The following NAV2 variants were observed in gnomAD, a reference collection of about 807,000 sequenced individuals.
The protein encoded by NAV2 is helicase, APC down-regulated 1.
A neutral mutation model predicts 223.2 loss-of-function variants in NAV2; 54 were observed. The observed-to-expected ratio is 0.24, with a 90% CI of 0.19 to 0.30. NAV2 has a LOEUF of 0.30. Ranked by LOEUF, NAV2 falls within the 10% of genes least tolerant of loss-of-function variation. NAV2 has a pLI of 1.00. For synonymous variants in NAV2, 1,279 were observed against 1,239.3 expected (o/e 1.03, Z -0.67); for missense variants, 2,806 against 3,147.5 (o/e 0.89, Z 2.60).
chr11:20,085,605 C>T lies in NAV2; in HGVS notation c.5498+2426C>T, dbSNP rs192971592. ...GGGTAACATTAGCTGCTGTAACAAA[C>T]TCAGCCCAACGCTCAGCAGCTTTAC... On this transcript the variant is annotated intron_variant, in intron 26 of 37. Transcript: ENST00000349880. Among the ~76,000 whole-genome samples the T allele has an allele frequency of 3.3e-5, 5 of 152,346 alleles. No homozygotes were observed. The East Asian group carries it at 9.7e-4, about 29-fold the overall frequency.
chr11:19,867,823 C>T (rs1282452772), intron 3 of NAV2, among the ~76,000 whole-genome samples: 1 of 152,122 alleles, frequency 6.6e-6, no homozygotes, highest in Non-Finnish European at 1.5e-5. Context: ...CATAAAATGC[C>T]AAATGTCAAT....
rs999613095 is a variant in NAV2 at position 20,118,387 on chromosome 11, C to A, written c.*129C>A. The stretch of plus-strand genomic sequence containing the variant: ...CCTTAGAGCTGCGGGAACACCGAGA[C>A]CCCCCGTCCTTCAGCCTCGACCTGG... On this transcript the variant is annotated 3_prime_UTR_variant, in exon 38 of 38. Transcript: ENST00000349880. 5 of 1,121,380 alleles carry A rather than the reference C, an allele frequency of 4.5e-6. No homozygotes were observed. Among genetic ancestry groups the A allele is most frequent in the South Asian group, 4.4e-5 (3 of 68,170 alleles). 69.5% of individuals were successfully genotyped at this position (1,121,380 alleles called of 1,614,324 possible). A position where few individuals can be genotyped will look rare whatever the true frequency, so the allele number is the denominator to read the frequency against.
intron 16 of NAV2, among the ~76,000 whole-genome samples, chr11:20,050,839 T>C (rs2057929292): frequency 6.6e-6 from 1 of 152,158 alleles, no homozygotes. Context: ...ACAAGTCTGT[T>C]CTCCCATTTG....
chr11:19,595,007 G>C (rs2046168123), intron 1 of NAV2, among the ~76,000 whole-genome samples: 1 of 152,152 alleles, frequency 6.6e-6, no homozygotes, highest in African/African-American at 2.4e-5. Flanking sequence ...AAGGACTTAG[G>C]TGCAAGTTTA....
In NAV2 at chr11:20,049,098, A is replaced by C; in HGVS notation, c.4273A>C (p.Ser1425Arg). 2 of 1,614,088 alleles carry C rather than the reference A, an allele frequency of 1.2e-6. No individual in the cohort carries two copies. The highest frequency in any genetic ancestry group is 1.7e-6 in the Non-Finnish European group (2 of 1,180,010). Residue 1425 changes from serine (S) to arginine (R), a missense_variant, in exon 15 of 38, where the codon AGC (serine) becomes CGC (arginine). Ser to Arg is a moderately radical substitution (Grantham distance 110). Transcript: ENST00000349880. Reference protein sequence around the residue: ...DISLSSGGVPSHNSSTGLIAS... With the variant: ...DISLSSGGVPRHNSSTGLIAS... ...CTCCCTCAGCAGTGGAGGGGTCCCCAGCCACAATTCTTCCACTGGCCTCAT... is the reference window on the plus strand; with the variant it reads ...CTCCCTCAGCAGTGGAGGGGTCCCCCGCCACAATTCTTCCACTGGCCTCAT...
At chr11:20,053,962 TAA>T in intron 17 of NAV2, 116 bp from the exon 18 acceptor site, 1 of 1,114,568 alleles carries the variant, frequency 9.0e-7, no homozygotes, top group Non-Finnish European at 1.3e-6. Flanking sequence ...GATCTGATTT[TAA>T]AAAAAATCAT....
At chr11:19,699,923 C>CTT (rs2049460992) in intron 1 of NAV2, among the ~76,000 whole-genome samples, 3 of 152,182 alleles carry the variant, frequency 2.0e-5, no homozygotes, top group Admixed American at 6.5e-5. Flanking sequence ...ATACAGATCC[C>CTT]TTACCCAAGA....
At chr11:19,894,891 C>T (rs1475988578) in intron 6 of NAV2, among the ~76,000 whole-genome samples, 1 of 151,922 alleles carries the variant, frequency 6.6e-6, no homozygotes, top group Non-Finnish European at 1.5e-5. Flanking sequence ...CCACCACGCC[C>T]GGCTAATTTT....
At position 19,735,815 on chromosome 11, in the gene NAV2, C is replaced by CT. The variant is rs201415557; in HGVS notation, c.267+21862dup. 1.5e-4 allele frequency among the ~76,000 whole-genome samples: 23 copies of CT among 151,830 alleles called. No individual in the cohort carries two copies. The East Asian group carries it at 2.1e-3, about 14-fold the overall frequency. ...GGTAAAATGCAGAGAAATAGCATCA[C>CT]TTTTTTTTTCCCCGTGGTAAAAATA... On this transcript the variant is annotated intron_variant, in intron 1 of 37. Coordinates refer to ENST00000349880, the MANE Select transcript of NAV2 (RefSeq NM_145117.5).
intron 1 of NAV2, among the ~76,000 whole-genome samples, chr11:19,374,032 ATCTT>A (rs1161623269): frequency 2.6e-5 from 4 of 152,250 alleles, no homozygotes; most frequent in African/African-American, 4.8e-5. Flanking sequence ...ATAACAGTAG[ATCTT>A]TCTTAATTGT....
At chr11:19,475,295 G>A (rs1449778658) in intron 1 of NAV2, among the ~76,000 whole-genome samples, 1 of 152,242 alleles carries the variant, frequency 6.6e-6, no homozygotes, top group Admixed American at 6.5e-5. Context: ...GAATGAAGAG[G>A]ACAAAGCCTT....
chr11:20,026,380 G>A (rs373403178), intron 11 of NAV2, among the ~76,000 whole-genome samples: 21 of 151,894 alleles, frequency 1.4e-4, no homozygotes, highest in East Asian at 3.9e-4. Flanking sequence ...ATGCAATCTC[G>A]TCTCACCGCA....
intron 10 of NAV2, 136 bp downstream of exon 10, chr11:19,949,216 CT>C (rs2047185421): frequency 2.2e-5 from 22 of 983,366 alleles, no homozygotes; most frequent in Non-Finnish European, 3.0e-5. Context: ...ATATCAAAGG[CT>C]GTGTGACATG....
chr11:19,906,644 C>G (rs552434791), intron 6 of NAV2, among the ~76,000 whole-genome samples: 1 of 152,106 alleles, frequency 6.6e-6, no homozygotes, highest in Non-Finnish European at 1.5e-5. Flanking sequence ...TAAGAACTCA[C>G]GGGGGAGAGC....
At chr11:19,508,172 T>A (rs1001049141) in intron 1 of NAV2, among the ~76,000 whole-genome samples, 1 of 152,178 alleles carries the variant, frequency 6.6e-6, no homozygotes, top group Admixed American at 6.5e-5. Context: ...AGCCTTGCTC[T>A]GTCTCAGGGG....
intron 1 of NAV2, among the ~76,000 whole-genome samples, chr11:19,486,022 GC>G (rs2042433489): frequency 6.6e-6 from 1 of 152,154 alleles, no homozygotes; most frequent in African/African-American, 2.4e-5. Flanking sequence ...GCTTGGCACT[GC>G]CCTTGAGGTT....
chr11:19,669,810 C>T (rs2048527556), intron 1 of NAV2, among the ~76,000 whole-genome samples: 1 of 152,186 alleles, frequency 6.6e-6, no homozygotes, highest in Non-Finnish European at 1.5e-5. Flanking sequence ...TGAGTGAGAC[C>T]CATTTGCCCA....
intron 1 of NAV2, among the ~76,000 whole-genome samples, chr11:19,559,991 C>T (rs1308129220): frequency 1.3e-5 from 2 of 152,226 alleles, no homozygotes; most frequent in Admixed American, 6.5e-5. Context: ...CCATTCCCCT[C>T]ACGTGCCTGC....
At chr11:20,111,587 G>A (rs1228509558) in intron 36 of NAV2, among the ~76,000 whole-genome samples, 2 of 152,234 alleles carry the variant, frequency 1.3e-5, no homozygotes, top group African/African-American at 4.8e-5. Flanking sequence ...CTTTGGAGCT[G>A]TCATTGGAAA....
Sources: allele counts gnomAD v4.1 joint callset (sites outside exome capture counted in the v4.1 genomes callset), GRCh38; gene constraint gnomAD v4.1.1; transcripts MANE v1.5; gene names NCBI Gene and HGNC (gene_info 2026-07-23, HGNC 2026-07-21).